Variants in ELP3 observed in about 807,000 individuals in gnomAD.
The protein encoded by ELP3 is elongator acetyltransferase complex subunit 3.
A neutral mutation model predicts 74.9 loss-of-function variants in ELP3; 56 were observed. The observed-to-expected ratio is 0.75, with a 90% CI of 0.60 to 0.93. The LOEUF (loss-of-function observed/expected upper bound fraction) is 0.93. Among genes scored for constraint, ELP3 ranks in the 40% least tolerant of loss-of-function variants. The pLI is 0.00. For missense variants in ELP3, 573 were observed against 686.5 expected (o/e 0.83, Z 1.85); for synonymous variants, 222 against 239.8 (o/e 0.93, Z 0.68).
intron 14 of ELP3, among the ~76,000 whole-genome samples, chr8:28,174,689 A>G (rs1814671875): frequency 6.6e-6 from 1 of 152,132 alleles, no homozygotes. Context: ...CCAAAAGTGC[A>G]ATAATACTAG....
intron 7 of ELP3, among the ~76,000 whole-genome samples, chr8:28,115,482 G>A (rs1389873436): frequency 6.6e-6 from 1 of 152,196 alleles, no homozygotes; most frequent in African/African-American, 2.4e-5. Flanking sequence ...AGCTGAGGAG[G>A]AAAGGACATG....
intron 14 of ELP3, among the ~76,000 whole-genome samples, chr8:28,170,422 G>C (rs745505725): frequency 6.6e-6 from 1 of 152,134 alleles, no homozygotes; most frequent in Non-Finnish European, 1.5e-5. Context: ...CACTTTCCTA[G>C]GTAGAGCTTG....
chr8:28,137,891 G>T lies in ELP3; in HGVS notation c.1100G>T (p.Arg367Met). ...PPWTRVYRVQ[R>M]DIPMPLVSSG... ...TGGACTCGAGTGTACCGAGTACAGA[G>T]GTAGTGTGTTATCTTTTATTCCTAA... Residue 367 changes from arginine to methionine, a missense_variant and splice_region_variant, in exon 10 of 15, where the codon AGG becomes ATG. Transcript: ENST00000256398. 1 of 1,583,420 alleles carries T rather than the reference G, an allele frequency of 6.3e-7. No individual in the cohort carries two copies. The highest frequency in any genetic ancestry group is 2.3e-5 in the East Asian group (1 of 44,130).
chr8:28,159,743 A>G (rs903356474), intron 12 of ELP3, among the ~76,000 whole-genome samples: 4 of 152,176 alleles, frequency 2.6e-5, no homozygotes, highest in African/African-American at 9.7e-5. Context: ...CTTCCTTGAA[A>G]TTTCGTCAAG....
intron 3 of ELP3, among the ~76,000 whole-genome samples, chr8:28,103,947 T>G (rs1162907645): frequency 1.3e-5 from 2 of 152,218 alleles, no homozygotes; most frequent in African/African-American, 4.8e-5. Flanking sequence ...TAGGATGGTC[T>G]TGAGCTCCTA....
At chr8:28,165,703 C>G (rs1814278761) in intron 14 of ELP3, among the ~76,000 whole-genome samples, 1 of 152,154 alleles carries the variant, frequency 6.6e-6, no homozygotes, top group South Asian at 2.1e-4. Flanking sequence ...CAGATTTTCT[C>G]TGTAACTTGG....
chr8:28,186,402 G>T (rs1351414498), intron 14 of ELP3, among the ~76,000 whole-genome samples: 2 of 152,154 alleles, frequency 1.3e-5, no homozygotes, highest in East Asian at 3.9e-4. Flanking sequence ...ATTAATTCAG[G>T]GTTCGGCAAT....
intron 3 of ELP3, among the ~76,000 whole-genome samples, chr8:28,104,513 C>A (rs143462773): frequency 2.6e-5 from 4 of 152,352 alleles, no homozygotes; most frequent in African/African-American, 9.6e-5. Flanking sequence ...TCACCTGTTG[C>A]ATTTAATTGT....
At chr8:28,101,574 G>A (rs544962224) in intron 3 of ELP3, among the ~76,000 whole-genome samples, 1 of 148,472 alleles carries the variant, frequency 6.7e-6, no homozygotes, top group East Asian at 2.0e-4. Flanking sequence ...TTACATAATA[G>A]ATAAGTCTTG....
chr8:28,178,651 C>T (rs73564363), intron 14 of ELP3, among the ~76,000 whole-genome samples: 1 of 152,114 alleles, frequency 6.6e-6, no homozygotes, highest in African/African-American at 2.4e-5. Context: ...GGACATATTT[C>T]TGTAGAATGT....
intron 9 of ELP3, among the ~76,000 whole-genome samples, chr8:28,136,037 C>A (rs1812977242): frequency 6.6e-6 from 1 of 151,366 alleles, no homozygotes; most frequent in African/African-American, 2.4e-5. Context: ...TCTTGGCTCA[C>A]TGCAACCTCC....
At chr8:28,185,753 C>T (rs1487101915) in intron 14 of ELP3, among the ~76,000 whole-genome samples, 1 of 152,168 alleles carries the variant, frequency 6.6e-6, no homozygotes, top group Non-Finnish European at 1.5e-5. Flanking sequence ...GGCTGGTTTG[C>T]TGATCCTGGA....
intron 3 of ELP3, 111 bp from the exon 4 acceptor site, chr8:28,106,602 T>C: frequency 1.4e-6 from 1 of 720,894 alleles, no homozygotes; most frequent in Non-Finnish European, 2.3e-6. Context: ...TGAAGCCCCT[T>C]TTTGCCACTC....
chr8:28,151,075 T>C (rs566524891), intron 10 of ELP3, among the ~76,000 whole-genome samples: 1 of 152,318 alleles, frequency 6.6e-6, no homozygotes, highest in South Asian at 2.1e-4. Flanking sequence ...GTACTCGGCC[T>C]GTGTGACACA....
chr8:28,137,107 A>G (rs951524612), intron 9 of ELP3, among the ~76,000 whole-genome samples: 5 of 152,230 alleles, frequency 3.3e-5, no homozygotes, highest in Non-Finnish European at 5.9e-5. Context: ...AAAGGGCCCT[A>G]TAGTAAACAT....
chr8:28,170,924 A>G (rs1029288131), intron 14 of ELP3, among the ~76,000 whole-genome samples: 5 of 152,316 alleles, frequency 3.3e-5, no homozygotes. Flanking sequence ...GTCTCTGTGA[A>G]GTGGAATCAT....
chr8:28,125,753 A>G (rs1162481218), intron 7 of ELP3, among the ~76,000 whole-genome samples: 1 of 113,502 alleles, frequency 8.8e-6, no homozygotes, highest in Non-Finnish European at 1.8e-5. Context: ...TTCTGTAGTC[A>G]TTTCTCTTTT....
chr8:28,118,054 G>A (rs1408453671), intron 7 of ELP3, among the ~76,000 whole-genome samples: 1 of 152,166 alleles, frequency 6.6e-6, no homozygotes, highest in African/African-American at 2.4e-5. Context: ...GTAGCCCACT[G>A]CTCTTAGATG....
rs1814783181 is a variant in ELP3 at position 28,176,958 on chromosome 8, A to C, written c.1568-12691A>C. On this transcript the variant is annotated intron_variant, in intron 14 of 14. Coordinates refer to ENST00000256398, the MANE Select transcript of ELP3 (RefSeq NM_018091.6). ...AGAAAAAAACTCTCTAAGAGCTGTA[A>C]GATAACCCACCAGCATCACCCAACT... Among the ~76,000 whole-genome samples, 6 of 152,234 alleles carry C rather than the reference A, an allele frequency of 3.9e-5. No individual in the cohort carries two copies. In the South Asian group the frequency reaches 1.2e-3, roughly 32 times the overall value.
Sources: gnomAD v4.1 joint callset for allele counts (sites outside exome capture counted in the v4.1 genomes callset) on GRCh38, gnomAD v4.1.1 for gene constraint, MANE v1.5 for transcripts, NCBI Gene and HGNC (gene_info 2026-07-23, HGNC 2026-07-21) for gene names.